The following ZDHHC20 variants were observed in gnomAD, a reference collection of about 807,000 sequenced individuals.
ZDHHC20 encodes zDHHC palmitoyltransferase 20.
A neutral mutation model predicts 57.8 loss-of-function variants in ZDHHC20; 43 were observed. That is an observed-to-expected ratio of 0.74 (90% CI 0.58 to 0.96). ZDHHC20 has a LOEUF of 0.96. ZDHHC20 is among the 40% of genes least tolerant of loss of function. ZDHHC20 has a pLI of 0.00. For missense variants in ZDHHC20, 391 were observed against 441.1 expected (o/e 0.89, Z 1.02); for synonymous variants, 157 against 153.0 (o/e 1.03, Z -0.19).
chr13:21,381,401 A>G, intron 11 of ZDHHC20, 33 bp downstream of exon 11: 1 of 1,507,618 alleles, frequency 6.6e-7, no homozygotes, highest in Admixed American at 1.7e-5. Context: ...CATTTGAACC[A>G]GACAAAGCAG....
intron 4 of ZDHHC20, among the ~76,000 whole-genome samples, chr13:21,403,841 T>C (rs1019280855): frequency 6.6e-6 from 1 of 152,038 alleles, no homozygotes; most frequent in African/African-American, 2.4e-5. Context: ...GTGTGCGCCA[T>C]CATGCCCAGG....
intron 1 of ZDHHC20, among the ~76,000 whole-genome samples, chr13:21,457,050 G>T (rs1884987355): frequency 6.6e-6 from 1 of 152,310 alleles, no homozygotes; most frequent in African/African-American, 2.4e-5. Flanking sequence ...CATACTGAAA[G>T]AATTAAAGGA....
chr13:21,381,113 T>C (rs1343337853), intron 11 of ZDHHC20, among the ~76,000 whole-genome samples: 1 of 151,984 alleles, frequency 6.6e-6, no homozygotes, highest in African/African-American at 2.4e-5. Context: ...TTCAAGCCAT[T>C]CTCTTGCCTC....
At chr13:21,402,707 G>A in intron 5 of ZDHHC20, 90 bp downstream of exon 5, 1 of 1,073,368 alleles carries the variant, frequency 9.3e-7, no homozygotes, top group Non-Finnish European at 1.4e-6. Context: ...CTTGTCAAGT[G>A]TAAAGCATAT....
chr13:21,457,396 G>A (rs1381899490), intron 1 of ZDHHC20, among the ~76,000 whole-genome samples: 2 of 152,114 alleles, frequency 1.3e-5, no homozygotes. Flanking sequence ...AGAAGATAAA[G>A]GAGGTATCAT....
In ZDHHC20 at chr13:21,459,083, T is replaced by C; in HGVS notation, c.89A>G (p.Tyr30Cys). The change falls in exon 1 of 13, where the codon TAC becomes TGC. Residue 30 changes from tyrosine to cysteine, a missense_variant. Physicochemically the swap from Tyr to Cys is radical, Grantham distance 194. This residue lies in a region of ZDHHC20 where 185 missense variants were observed against 188.0 expected (regional missense o/e 0.98). Coordinates refer to ENST00000400590, the MANE Select transcript of ZDHHC20 (RefSeq NM_001330059.2). ...LFITFVVVWS[Y>C]YAYVVELCVF... ...GCAGAGCTCCACCACGTACGCGTAG[T>C]AGGACCAGACGACCACGAAGGTGAT... The C allele has an allele frequency of 6.2e-7, 1 of 1,605,574 alleles. No individual in the cohort carries two copies. The highest frequency in any genetic ancestry group is 1.4e-5 in the African/African-American group (1 of 73,798).
At chr13:21,419,030 T>G (rs1273661352) in intron 3 of ZDHHC20, among the ~76,000 whole-genome samples, 1 of 152,176 alleles carries the variant, frequency 6.6e-6, no homozygotes, top group Admixed American at 6.5e-5. Context: ...CCAATTATTT[T>G]TCTTATTCTA....
chr13:21,398,233 G>A (rs1198711359), intron 7 of ZDHHC20, among the ~76,000 whole-genome samples: 4 of 152,144 alleles, frequency 2.6e-5, no homozygotes, highest in Non-Finnish European at 5.9e-5. Flanking sequence ...GGGAGGTCGA[G>A]GCGGGCAGAT....
chr13:21,428,474 C>T (rs905170691), intron 1 of ZDHHC20, among the ~76,000 whole-genome samples: 4 of 151,734 alleles, frequency 2.6e-5, no homozygotes, highest in Non-Finnish European at 5.9e-5. Context: ...CTGCCTTGGA[C>T]TCCTGAAGTG....
At position 21,374,603 on chromosome 13, in the gene ZDHHC20, G is replaced by T. The variant is rs1871751436; in HGVS notation, c.*2093C>A. On this transcript the variant is annotated 3_prime_UTR_variant, in exon 13 of 13. Coordinates refer to ENST00000400590, the MANE Select transcript of ZDHHC20 (RefSeq NM_001330059.2). ...AGATTACTAAGGAGTTGAAACAAAG[G>T]TAGAAGAATCCATACTATAATATCC... 7.2e-6 allele frequency: 2 copies of T among 277,034 alleles called. No homozygotes were observed. Among genetic ancestry groups the T allele is most frequent in the South Asian group, 6.8e-5 (2 of 29,410 alleles). 17.2% of individuals were successfully genotyped at this position (277,034 alleles called of 1,614,324 possible).
chr13:21,431,679 A>G (rs541333488), intron 1 of ZDHHC20, among the ~76,000 whole-genome samples: 52 of 152,354 alleles, frequency 3.4e-4, no homozygotes, highest in African/African-American at 1.2e-3. Flanking sequence ...TAGCTGTTCT[A>G]AAAAATATGC....
chr13:21,430,986 T>C (rs1039499557), intron 1 of ZDHHC20, among the ~76,000 whole-genome samples: 11 of 152,212 alleles, frequency 7.2e-5, no homozygotes, highest in African/African-American at 2.4e-4. Flanking sequence ...TACTGCCGAA[T>C]AGCATTCTGT....
chr13:21,428,381 T>C (rs1162077975), intron 1 of ZDHHC20, among the ~76,000 whole-genome samples: 5 of 151,618 alleles, frequency 3.3e-5, no homozygotes, highest in Admixed American at 6.6e-5. Context: ...CCACCATGCC[T>C]GGCTAATTTT....
At chr13:21,435,527 T>C (rs1275185673) in intron 1 of ZDHHC20, among the ~76,000 whole-genome samples, 2 of 152,128 alleles carry the variant, frequency 1.3e-5, no homozygotes, top group Non-Finnish European at 2.9e-5. Flanking sequence ...AATTGAACAA[T>C]AAAATACGTG....
At chr13:21,430,291 C>T (rs1032553682) in intron 1 of ZDHHC20, among the ~76,000 whole-genome samples, 2 of 152,102 alleles carry the variant, frequency 1.3e-5, no homozygotes, top group Non-Finnish European at 2.9e-5. Context: ...CCCTGCTAGG[C>T]TTCTGCACAC....
chr13:21,411,406 T>G (rs1014232191), intron 4 of ZDHHC20, among the ~76,000 whole-genome samples: 1 of 152,164 alleles, frequency 6.6e-6, no homozygotes, highest in Non-Finnish European at 1.5e-5. Context: ...CCATATAATG[T>G]AGAAAAAGTA....
chr13:21,389,737 G>A (rs1436797552), intron 8 of ZDHHC20, among the ~76,000 whole-genome samples: 1 of 152,054 alleles, frequency 6.6e-6, no homozygotes, highest in Non-Finnish European at 1.5e-5. Flanking sequence ...CCCTATCTTG[G>A]GCAGTCCACC....
intron 3 of ZDHHC20, among the ~76,000 whole-genome samples, chr13:21,419,100 C>A (rs1267980376): frequency 6.6e-6 from 1 of 152,116 alleles, no homozygotes; most frequent in African/African-American, 2.4e-5. Flanking sequence ...TTTCAATAGT[C>A]ATCACTACTA....
At chr13:21,405,892 G>A (rs1204048574) in intron 4 of ZDHHC20, among the ~76,000 whole-genome samples, 1 of 152,154 alleles carries the variant, frequency 6.6e-6, no homozygotes, top group African/African-American at 2.4e-5. Context: ...CTTCCATAAT[G>A]CTTGGGTGCA....
Sources: allele counts gnomAD v4.1 joint callset (sites outside exome capture counted in the v4.1 genomes callset), GRCh38; gene constraint gnomAD v4.1.1; regional missense constraint gnomAD v4.1.1; transcripts MANE v1.5; gene names NCBI Gene and HGNC (gene_info 2026-07-23, HGNC 2026-07-21).